The following CBLB variants were observed in gnomAD, a reference collection of about 807,000 sequenced individuals.
CBLB encodes the protein Cbl proto-oncogene B.
In CBLB, 31 loss-of-function variants were observed where a neutral mutation model predicts 104.9. The ratio of observed to expected loss-of-function variants is 0.30; its 90% CI spans 0.22 to 0.40. The LOEUF is 0.40. CBLB is among the 10% of genes least tolerant of loss of function. The probability of loss-of-function intolerance (pLI) is 1.00; values close to 1 mark genes in which losing one functional copy is unlikely to be tolerated. For missense variants in CBLB, 1,062 were observed against 1,214.6 expected (o/e 0.87, Z 1.87); for synonymous variants, 440 against 422.6 (o/e 1.04, Z -0.51).
chr3:105,667,531 A>C (rs978037668), intron 18 of CBLB, among the ~76,000 whole-genome samples: 1 of 152,208 alleles, frequency 6.6e-6, no homozygotes, highest in Non-Finnish European at 1.5e-5. Flanking sequence ...TTATATCTGG[A>C]CTACCTATGA....
intron 6 of CBLB, among the ~76,000 whole-genome samples, chr3:105,745,407 T>C (rs1325925122): frequency 1.3e-5 from 2 of 152,198 alleles, no homozygotes; most frequent in Non-Finnish European, 2.9e-5. Flanking sequence ...CACGAGGCAT[T>C]ATGAAAAAAG....
At chr3:105,678,077 G>A (rs1187485868) in intron 17 of CBLB, among the ~76,000 whole-genome samples, 1 of 151,998 alleles carries the variant, frequency 6.6e-6, no homozygotes, top group African/African-American at 2.4e-5. Context: ...CATTGCATTG[G>A]GAATCGGAAG....
At chr3:105,724,749 A>G (rs1402645765) in intron 9 of CBLB, among the ~76,000 whole-genome samples, 5 of 152,206 alleles carry the variant, frequency 3.3e-5, no homozygotes, top group African/African-American at 7.2e-5. Flanking sequence ...GAAATATGAG[A>G]TATCTCCTAA....
chr3:105,758,134 T>C (rs1045807185), intron 4 of CBLB, among the ~76,000 whole-genome samples: 3 of 152,316 alleles, frequency 2.0e-5, no homozygotes, highest in African/African-American at 4.8e-5. Context: ...AATATGAAGA[T>C]AGATTCTTAT....
chr3:105,767,084 A>C (rs1172791356), intron 4 of CBLB, among the ~76,000 whole-genome samples: 1 of 152,184 alleles, frequency 6.6e-6, no homozygotes, highest in African/African-American at 2.4e-5. Flanking sequence ...AGATACCTGA[A>C]ATTTTTTTTA....
intron 12 of CBLB, among the ~76,000 whole-genome samples, chr3:105,698,803 T>C (rs1004103519): frequency 6.6e-6 from 1 of 152,058 alleles, no homozygotes; most frequent in African/African-American, 2.4e-5. Flanking sequence ...CTTAGTCTTT[T>C]TAAAAAATCA....
chr3:105,709,824 C>T (rs1371003319), intron 10 of CBLB, among the ~76,000 whole-genome samples: 2 of 151,960 alleles, frequency 1.3e-5, no homozygotes, highest in South Asian at 2.1e-4. Flanking sequence ...CTTTTGCTGT[C>T]CAGATGGTAA....
At chr3:105,771,197 C>A (rs1007273765) in intron 4 of CBLB, among the ~76,000 whole-genome samples, 14 of 152,126 alleles carry the variant, frequency 9.2e-5, no homozygotes, top group Non-Finnish European at 4.4e-5. Context: ...TAATACATCA[C>A]AATCAAGTGG....
chr3:105,695,027 T>C (rs2068163154), intron 12 of CBLB, among the ~76,000 whole-genome samples: 1 of 151,884 alleles, frequency 6.6e-6, no homozygotes, highest in Non-Finnish European at 1.5e-5. Context: ...CTCATTGTGA[T>C]ATTGAGCATT....
At chr3:105,664,319 G>C (rs2064135348) in intron 18 of CBLB, among the ~76,000 whole-genome samples, 1 of 152,074 alleles carries the variant, frequency 6.6e-6, no homozygotes. Flanking sequence ...GTATTTGATA[G>C]TACATAAAAA....
At chr3:105,820,058 C>T (rs1488919745) in intron 3 of CBLB, among the ~76,000 whole-genome samples, 4 of 152,058 alleles carry the variant, frequency 2.6e-5, no homozygotes, top group African/African-American at 7.2e-5. Flanking sequence ...AGTGGGAACC[C>T]TGAACTTGTT....
intron 2 of CBLB, among the ~76,000 whole-genome samples, chr3:105,865,350 A>G (rs1355175245): frequency 2.6e-5 from 4 of 152,194 alleles, no homozygotes; most frequent in Admixed American, 1.3e-4. Context: ...CCCTGGGTAC[A>G]TTCACAAATG....
In CBLB at chr3:105,709,737, GA is replaced by G. The variant is rs879804812; in HGVS notation, c.1408-5565del. On this transcript the variant is annotated intron_variant, in intron 10 of 18. Transcript: ENST00000394030. ...AACCATATATGTGCTAGTTTTTAAGGAAAGAATCATACAATTTTTTTGAGCA... is the reference window on the plus strand; with the variant it reads ...AACCATATATGTGCTAGTTTTTAAGGAAGAATCATACAATTTTTTTGAGCA... Among the ~76,000 whole-genome samples the G allele has an allele frequency of 4.0e-5, 6 of 151,880 alleles. No homozygotes were observed. The East Asian group carries it at 9.7e-4, about 24-fold the overall frequency.
chr3:105,791,738 T>C (rs2081662777), intron 3 of CBLB, among the ~76,000 whole-genome samples: 1 of 152,218 alleles, frequency 6.6e-6, no homozygotes, highest in South Asian at 2.1e-4. Context: ...ACATCTGGTG[T>C]CACACATACA....
intron 10 of CBLB, among the ~76,000 whole-genome samples, chr3:105,715,367 T>C (rs2071706855): frequency 2.0e-5 from 3 of 152,220 alleles, no homozygotes; most frequent in Non-Finnish European, 2.9e-5. Context: ...AAAGTATGTA[T>C]TATAGACTTT....
At chr3:105,832,156 G>A (rs1327924278) in intron 3 of CBLB, among the ~76,000 whole-genome samples, 1 of 152,100 alleles carries the variant, frequency 6.6e-6, no homozygotes. Context: ...AAACAGATGT[G>A]TACCATAAAA....
intron 2 of CBLB, among the ~76,000 whole-genome samples, chr3:105,860,078 A>G (rs1432047189): frequency 6.6e-6 from 1 of 152,218 alleles, no homozygotes; most frequent in African/African-American, 2.4e-5. Context: ...TAAAATATCA[A>G]TTGTGTATTC....
At position 105,767,079 on chromosome 3, in the gene CBLB, C is replaced by T. The variant is rs3772516; in HGVS notation, c.566+9317G>A. On this transcript the variant is annotated intron_variant, in intron 4 of 18. Coordinates refer to ENST00000394030, the MANE Select transcript of CBLB (RefSeq NM_170662.5). ...TATTTTCCTTATTGACATAAAGATA[C>T]CTGAAATTTTTTTTAACAGGCAACA... Among the ~76,000 whole-genome samples, 518 of 152,162 alleles carry T rather than the reference C, an allele frequency of 3.4e-3. 10 individuals are homozygous for T. In the East Asian group the frequency reaches 0.06, roughly 18 times the overall value.
chr3:105,765,519 T>C (rs2078125050), intron 4 of CBLB, among the ~76,000 whole-genome samples: 1 of 152,010 alleles, frequency 6.6e-6, no homozygotes, highest in Admixed American at 6.6e-5. Context: ...GTTCTTTATT[T>C]AAAAAAACAA....
Sources: allele counts gnomAD v4.1 joint callset (sites outside exome capture counted in the v4.1 genomes callset), GRCh38; gene constraint gnomAD v4.1.1; transcripts MANE v1.5; gene names NCBI Gene and HGNC (gene_info 2026-07-23, HGNC 2026-07-21).